GABBR2: variants seen among roughly 807,000 people sequenced by gnomAD.
GABBR2 encodes G-protein coupled receptor 51.
Under a neutral mutation model 105.6 loss-of-function variants are expected in GABBR2, and 23 were observed. The ratio of observed to expected loss-of-function variants is 0.22; its 90% CI spans 0.16 to 0.31. The LOEUF (loss-of-function observed/expected upper bound fraction) is 0.31, where lower values mean the gene tolerates loss of function less well. Ranked by LOEUF, GABBR2 falls within the 10% of genes least tolerant of loss-of-function variation. The probability of loss-of-function intolerance (pLI) is 1.00; values close to 1 mark genes in which losing one functional copy is unlikely to be tolerated. For synonymous variants in GABBR2, 478 were observed against 499.7 expected, an observed-to-expected ratio of 0.96 and a Z score of 0.58; for missense variants, 734 against 1,245.5, an observed-to-expected ratio of 0.59 and a Z score of 6.18.
rs3029536 is a variant in GABBR2 at position 98,425,222 on chromosome 9, GTGAA to G, written c.1237-19085_1237-19082del. On this transcript the variant is annotated intron_variant, in intron 7 of 18. Transcript: ENST00000259455. ...AATGGGGATGAAAAGGAATGAATGGGTGAATGAATGAATGAATGAATGAATGTAA... is the reference window on the plus strand; with the variant it reads ...AATGGGGATGAAAAGGAATGAATGGGTGAATGAATGAATGAATGAATGTAA... Among the ~76,000 whole-genome samples, 647 of 151,796 alleles carry G rather than the reference GTGAA, an allele frequency of 4.3e-3. 5 individuals are homozygous for G. The highest frequency in any genetic ancestry group is 0.014 in the African/African-American group (596 of 41,276).
Position 98,549,297 on chromosome 9 carries a change from G to A in GABBR2, c.460-7254C>T, listed in dbSNP as rs1483275460. 3.3e-5 allele frequency among the ~76,000 whole-genome samples: 2 copies of A among 61,334 alleles called. 1 individual carries two copies. The highest frequency in any genetic ancestry group is 7.8e-5 in the African/African-American group (2 of 25,598). 40.2% of individuals were successfully genotyped at this position (61,334 alleles called of 152,430 possible). A position where few individuals can be genotyped will look rare whatever the true frequency, so the allele number is the denominator to read the frequency against. ...AGGAAAGCTAAAAAAATGTTTTATT[G>A]GGTACCAAATGTTTTATTGAGTAGC... On this transcript the variant is annotated intron_variant, in intron 2 of 18. Transcript: ENST00000259455.
intron 2 of GABBR2, among the ~76,000 whole-genome samples, chr9:98,545,787 A>G (rs1828386317): frequency 6.6e-6 from 1 of 152,156 alleles, no homozygotes; most frequent in Non-Finnish European, 1.5e-5. Flanking sequence ...CCCTAACACT[A>G]GTGCGCTTTC....
intron 1 of GABBR2, among the ~76,000 whole-genome samples, chr9:98,642,909 G>A (rs903243238): frequency 7.9e-5 from 12 of 152,052 alleles, no homozygotes; most frequent in African/African-American, 2.9e-4. Flanking sequence ...TTTCCCACAC[G>A]AGTCCCTCCT....
chr9:98,570,363 G>A (rs746656636), intron 2 of GABBR2, among the ~76,000 whole-genome samples: 6 of 152,236 alleles, frequency 3.9e-5, no homozygotes, highest in Non-Finnish European at 8.8e-5. Flanking sequence ...AGTTCTTGAG[G>A]AAATAGTGTT....
chr9:98,708,309 C>G, intron 1 of GABBR2, 108 bp downstream of exon 1: 2 of 1,151,828 alleles, frequency 1.7e-6, no homozygotes, highest in Non-Finnish European at 2.3e-6. Context: ...TCGGCAGGCG[C>G]GGGCCGGTCA....
At chr9:98,685,419 A>C (rs1422852362) in intron 1 of GABBR2, among the ~76,000 whole-genome samples, 1 of 151,566 alleles carries the variant, frequency 6.6e-6, no homozygotes, top group Non-Finnish European at 1.5e-5. Context: ...TCCTTAATAA[A>C]CCCCCCTTCA....
chr9:98,534,829 A>C (rs1301387675), intron 3 of GABBR2, among the ~76,000 whole-genome samples: 1 of 152,254 alleles, frequency 6.6e-6, no homozygotes, highest in Non-Finnish European at 1.5e-5. Flanking sequence ...TTTTCTTACA[A>C]CATGAAACAT....
At chr9:98,648,353 G>T (rs540040114) in intron 1 of GABBR2, among the ~76,000 whole-genome samples, 1 of 151,792 alleles carries the variant, frequency 6.6e-6, no homozygotes, top group Admixed American at 6.6e-5. Flanking sequence ...GGCTGGTCTC[G>T]AACCCCTGAC....
intron 13 of GABBR2, among the ~76,000 whole-genome samples, chr9:98,361,909 G>C (rs892037505): frequency 2.0e-5 from 3 of 152,198 alleles, no homozygotes; most frequent in Non-Finnish European, 4.4e-5. Flanking sequence ...AAAGATAAAA[G>C]GCTCTGCCCT....
chr9:98,676,826 T>C (rs559003879), intron 1 of GABBR2, among the ~76,000 whole-genome samples: 1 of 152,328 alleles, frequency 6.6e-6, no homozygotes, highest in Non-Finnish European at 1.5e-5. Context: ...AGCCTCTTTT[T>C]TACAGCAGCT....
chr9:98,421,632 G>C (rs1299736734), intron 7 of GABBR2, among the ~76,000 whole-genome samples: 1 of 152,062 alleles, frequency 6.6e-6, no homozygotes, highest in African/African-American at 2.4e-5. Context: ...AGTCACTAAG[G>C]GTGCTTTAAA....
intron 1 of GABBR2, among the ~76,000 whole-genome samples, chr9:98,640,814 T>C (rs1158079466): frequency 6.6e-6 from 1 of 152,140 alleles, no homozygotes; most frequent in African/African-American, 2.4e-5. Flanking sequence ...TCAGAGATTC[T>C]GAGACAGGGC....
intron 1 of GABBR2, among the ~76,000 whole-genome samples, chr9:98,669,862 T>C (rs1830385232): frequency 6.6e-6 from 1 of 151,814 alleles, no homozygotes. Flanking sequence ...TCATGAGGAA[T>C]CTAGTCCAAG....
In GABBR2 at chr9:98,341,729, C is replaced by T. The variant is rs116102258; in HGVS notation, c.1893+20986G>A. Among the ~76,000 whole-genome samples, 235 of 152,264 alleles carry T rather than the reference C, an allele frequency of 1.5e-3. 1 individual carries two copies. Among genetic ancestry groups the T allele is most frequent in the African/African-American group, 5.5e-3 (230 of 41,576 alleles). ...GGACCTAACCTGTGGATCTTTATCT[C>T]GGGGACACAAACTGAACAACATCCT... On this transcript the variant is annotated intron_variant, in intron 13 of 18. Transcript: ENST00000259455.
intron 1 of GABBR2, chr9:98,607,042 TC>T (rs1829435375): frequency 7.5e-7 from 1 of 1,325,666 alleles, no homozygotes; most frequent in African/African-American, 1.4e-5. Flanking sequence ...TTTGCCAATC[TC>T]CCAAACCAAG....
In GABBR2 at chr9:98,299,341, A is replaced by G. The variant is rs1388522782; in HGVS notation, c.2425T>C (p.Leu809=). 42 of 1,613,886 alleles carry G rather than the reference A, an allele frequency of 2.6e-5. No homozygotes were observed. Among genetic ancestry groups the G allele is most frequent in the Non-Finnish European group, 3.6e-5 (42 of 1,179,948 alleles). Residue 809 remains leucine (L), a synonymous_variant, in exon 17 of 19, where the codon TTG becomes CTG. Coordinates refer to ENST00000259455, the MANE Select transcript of GABBR2 (RefSeq NM_005458.8). ...TGCAGCTGCATGGTGACCTCTTCCA[A>G]GTCTTTATCCAGCTACAAGACAAAG... ...RMKITELDKD[L]EEVTMQLQDT... is the part of the protein sequence containing the mutation.
At chr9:98,704,397 A>C (rs1830868612) in intron 1 of GABBR2, among the ~76,000 whole-genome samples, 1 of 152,194 alleles carries the variant, frequency 6.6e-6, no homozygotes, top group Admixed American at 6.5e-5. Flanking sequence ...TAAGTTTATT[A>C]TTGAATGATT....
intron 11 of GABBR2, among the ~76,000 whole-genome samples, chr9:98,371,893 G>C (rs769953086): frequency 4.6e-5 from 7 of 152,166 alleles, no homozygotes; most frequent in Non-Finnish European, 8.8e-5. Context: ...CCACCAAAAG[G>C]TGATGGTCCA....
chr9:98,317,420 G>A (rs1455502795), intron 13 of GABBR2, among the ~76,000 whole-genome samples: 2 of 152,226 alleles, frequency 1.3e-5, no homozygotes, highest in African/African-American at 2.4e-5. Context: ...GCTCTGTCCG[G>A]CTGCACAAAC....
Sources: gnomAD v4.1 joint callset for allele counts (sites outside exome capture counted in the v4.1 genomes callset) on GRCh38, gnomAD v4.1.1 for gene constraint, MANE v1.5 for transcripts, NCBI Gene and HGNC (gene_info 2026-07-23, HGNC 2026-07-21) for gene names.